The following FAM184A variants were observed in gnomAD, a reference collection of about 807,000 sequenced individuals.
FAM184A encodes protein FAM184A.
A neutral mutation model predicts 143.8 loss-of-function variants in FAM184A; 99 were observed. The observed-to-expected ratio is 0.69, with a 90% CI of 0.58 to 0.81. The LOEUF (loss-of-function observed/expected upper bound fraction) is 0.81. Among genes scored for constraint, FAM184A ranks in the 40% least tolerant of loss-of-function variants. The probability of loss-of-function intolerance (pLI) is 0.00; values close to 1 mark genes in which losing one functional copy is unlikely to be tolerated. For missense variants in FAM184A, 1,217 were observed against 1,310.5 expected, an observed-to-expected ratio of 0.93 and a Z score of 1.10; for synonymous variants, 427 against 446.4, an observed-to-expected ratio of 0.96 and a Z score of 0.55.
intron 1 of FAM184A, among the ~76,000 whole-genome samples, chr6:119,145,027 C>A (rs1005075090): frequency 6.6e-6 from 1 of 152,224 alleles, no homozygotes; most frequent in Non-Finnish European, 1.5e-5. Context: ...GGTCCACTCT[C>A]CACCCTTCTC....
chr6:119,023,565 C>A (rs914823795), intron 2 of FAM184A, among the ~76,000 whole-genome samples: 3 of 104,528 alleles, frequency 2.9e-5, no homozygotes, highest in Admixed American at 1.3e-4. Context: ...GCCCCCCCCC[C>A]CAGGAACAGC....
intron 1 of FAM184A, among the ~76,000 whole-genome samples, chr6:119,138,784 C>T (rs370716924): frequency 1.1e-4 from 16 of 152,096 alleles, no homozygotes; most frequent in Non-Finnish European, 1.6e-4. Flanking sequence ...TGTGCCACTA[C>T]GCCTGGCTAA....
chr6:119,010,228 C>A (rs1451170852), intron 6 of FAM184A, among the ~76,000 whole-genome samples: 1 of 152,192 alleles, frequency 6.6e-6, no homozygotes, highest in Non-Finnish European at 1.5e-5. Flanking sequence ...CCGTAGTTAT[C>A]TGCTTAGGTT....
At chr6:119,117,147 G>T (rs946150902) in intron 1 of FAM184A, among the ~76,000 whole-genome samples, 1 of 152,200 alleles carries the variant, frequency 6.6e-6, no homozygotes, top group Non-Finnish European at 1.5e-5. Context: ...CAAGGCTAGG[G>T]GATTGGGAGT....
At chr6:118,997,965 T>C (rs1465682901) in intron 9 of FAM184A, among the ~76,000 whole-genome samples, 2 of 152,208 alleles carry the variant, frequency 1.3e-5, no homozygotes, top group Admixed American at 6.5e-5. Context: ...CAACTGCTCT[T>C]GATAAAGAGC....
intron 1 of FAM184A, among the ~76,000 whole-genome samples, chr6:119,104,872 C>A (rs980347001): frequency 1.3e-5 from 2 of 151,792 alleles, no homozygotes; most frequent in African/African-American, 4.8e-5. Flanking sequence ...ATTTTGATAG[C>A]ATGTGCCCTT....
At chr6:119,000,809 T>G (rs1784731183) in intron 9 of FAM184A, among the ~76,000 whole-genome samples, 2 of 152,050 alleles carry the variant, frequency 1.3e-5, no homozygotes, top group Non-Finnish European at 2.9e-5. Flanking sequence ...TTTAATATCA[T>G]GAATCCCAAG....
chr6:119,011,442 G>T lies in FAM184A; in HGVS notation c.1531-11C>A, dbSNP rs766355515. The T allele has an allele frequency of 2.6e-5, 38 of 1,470,436 alleles. No homozygotes were observed. Among genetic ancestry groups the T allele is most frequent in the East Asian group, 7.1e-5 (3 of 42,246 alleles). 91.1% of individuals were successfully genotyped at this position (1,470,436 alleles called of 1,614,324 possible). A position where few individuals can be genotyped will look rare whatever the true frequency, so the allele number is the denominator to read the frequency against. ...TTGTTCTTCCAAATCCTTAGAAAAA[G>T]AAATTTTTTAAAAATTAACAAAATT... On this transcript the variant is annotated splice_polypyrimidine_tract_variant and intron_variant, in intron 5 of 17. Coordinates refer to ENST00000338891, the MANE Select transcript of FAM184A (RefSeq NM_024581.6).
chr6:119,071,963 G>A (rs1787705538), intron 1 of FAM184A, among the ~76,000 whole-genome samples: 1 of 142,412 alleles, frequency 7.0e-6, no homozygotes, highest in South Asian at 2.3e-4. Context: ...CTGGGTTCAA[G>A]CAATTCTTGT....
intron 1 of FAM184A, among the ~76,000 whole-genome samples, chr6:119,034,041 TAGAGAGAGAGAGAGAGAGAGAG>T (rs57162948): frequency 2.4e-5 from 1 of 42,006 alleles, no homozygotes; most frequent in East Asian, 8.9e-4. Flanking sequence ...TATATATATA[TAGAGAGAGAGAGAGAGAGAGAG>T]AGAGAGAGAG....
At chr6:119,111,408 G>A (rs1788927025) in intron 1 of FAM184A, among the ~76,000 whole-genome samples, 1 of 152,168 alleles carries the variant, frequency 6.6e-6, no homozygotes, top group Non-Finnish European at 1.5e-5. Flanking sequence ...AGTTTCAGTT[G>A]GGGAAGATGA....
intron 7 of FAM184A, among the ~76,000 whole-genome samples, chr6:119,005,053 A>G (rs900368969): frequency 3.3e-5 from 5 of 152,158 alleles, no homozygotes; most frequent in African/African-American, 1.2e-4. Context: ...TTAAAATATC[A>G]TTTTCCTTTT....
chr6:119,021,135 G>A (rs1785431811), intron 3 of FAM184A, among the ~76,000 whole-genome samples: 1 of 152,202 alleles, frequency 6.6e-6, no homozygotes, highest in Non-Finnish European at 1.5e-5. Flanking sequence ...AACTCTGAGG[G>A]TGGGGCCCAG....
At chr6:118,998,706 T>C (rs915702712) in intron 9 of FAM184A, among the ~76,000 whole-genome samples, 2 of 152,124 alleles carry the variant, frequency 1.3e-5, no homozygotes, top group African/African-American at 4.8e-5. Flanking sequence ...GTCCCCAAGA[T>C]GGGTTCAGCT....
intron 1 of FAM184A, among the ~76,000 whole-genome samples, chr6:119,044,972 T>C (rs1786472787): frequency 6.6e-6 from 1 of 152,248 alleles, no homozygotes; most frequent in Admixed American, 6.5e-5. Context: ...ATGCACCAAA[T>C]ATGTTGAGCA....
At chr6:119,093,739 G>C (rs988685635) in intron 1 of FAM184A, among the ~76,000 whole-genome samples, 3 of 152,104 alleles carry the variant, frequency 2.0e-5, no homozygotes, top group African/African-American at 7.2e-5. Context: ...CAGGAGACTG[G>C]TTTCTGTAAC....
chr6:119,112,510 C>T (rs1484123574), intron 1 of FAM184A, among the ~76,000 whole-genome samples: 2 of 152,298 alleles, frequency 1.3e-5, no homozygotes, highest in African/African-American at 2.4e-5. Flanking sequence ...CTTGAGATAA[C>T]ATTTTTAGTT....
chr6:119,025,976 T>G (rs983247714), intron 1 of FAM184A, among the ~76,000 whole-genome samples: 2 of 152,110 alleles, frequency 1.3e-5, no homozygotes, highest in Non-Finnish European at 2.9e-5. Context: ...CCACAGTAAC[T>G]CCAGATCCCA....
At chr6:119,053,327 A>G (rs1786837394) in intron 1 of FAM184A, among the ~76,000 whole-genome samples, 4 of 152,242 alleles carry the variant, frequency 2.6e-5, no homozygotes, top group African/African-American at 7.2e-5. Flanking sequence ...AACTGAAATT[A>G]CTCACATACC....
Sources: allele counts gnomAD v4.1 joint callset (sites outside exome capture counted in the v4.1 genomes callset), GRCh38; gene constraint gnomAD v4.1.1; transcripts MANE v1.5; gene names NCBI Gene and HGNC (gene_info 2026-07-23, HGNC 2026-07-21).